The following RAD54L2 variants were observed in gnomAD, a reference collection of about 807,000 sequenced individuals.
The protein encoded by RAD54L2 is helicase ARIP4.
In RAD54L2, 27 loss-of-function variants were observed where a neutral mutation model predicts 138.4. The observed-to-expected ratio is 0.20, with a 90% CI of 0.14 to 0.27. The LOEUF is 0.27. Among genes scored for constraint, RAD54L2 ranks in the 10% least tolerant of loss-of-function variants. The pLI, the probability that RAD54L2 is intolerant of heterozygous loss-of-function variation, is 1.00. For synonymous variants in RAD54L2, 644 were observed against 723.2 expected (o/e 0.89, Z 1.76); for missense variants, 1,396 against 1,890.2 (o/e 0.74, Z 4.85).
chr3:51,633,602 A>T lies in RAD54L2; in HGVS notation c.851A>T (p.Asp284Val), dbSNP rs772196940. Residue 284 changes from aspartate (D) to valine (V), a missense_variant, in exon 8 of 23, where the codon GAT (aspartate) becomes GTT (valine). Asp to Val is a radical substitution (Grantham distance 152). Coordinates refer to ENST00000684192, the MANE Select transcript of RAD54L2 (RefSeq NM_015106.4). ...HQIGGIRFLY[D>V]NLVESLERFK... Reference sequence around the variant, plus strand: ...ATTGGCGGGATCCGGTTCCTTTACGATAACCTAGTGGAGTCTCTGGAGAGG... The same window carrying T: ...ATTGGCGGGATCCGGTTCCTTTACGTTAACCTAGTGGAGTCTCTGGAGAGG... 6.2e-7 allele frequency: 1 copy of T among 1,613,832 alleles called. No homozygotes were observed. The highest frequency in any genetic ancestry group is 1.7e-5 in the Admixed American group (1 of 60,008).
At chr3:51,559,019 G>A (rs1039580049) in intron 2 of RAD54L2, among the ~76,000 whole-genome samples, 26 of 151,806 alleles carry the variant, frequency 1.7e-4, no homozygotes, top group South Asian at 4.2e-4. Context: ...GATTACAGGC[G>A]TATACCACCA....
chr3:51,546,886 G>T (rs1553672405), intron 2 of RAD54L2, among the ~76,000 whole-genome samples: 1 of 151,726 alleles, frequency 6.6e-6, no homozygotes, highest in African/African-American at 2.4e-5. Context: ...AAAATTAGCT[G>T]GATGTGGTGG....
chr3:51,558,090 C>T (rs1191939688), intron 2 of RAD54L2, among the ~76,000 whole-genome samples: 2 of 152,010 alleles, frequency 1.3e-5, no homozygotes, highest in African/African-American at 4.8e-5. Context: ...AACCAATCTG[C>T]CCACCTCAGC....
intron 3 of RAD54L2, among the ~76,000 whole-genome samples, chr3:51,599,402 GAGA>G (rs1029204203): frequency 2.6e-5 from 4 of 151,968 alleles, no homozygotes; most frequent in African/African-American, 9.7e-5. Flanking sequence ...AGAGAGAGGA[GAGA>G]AGGACTTTAA....
At chr3:51,615,493 G>A (rs141844412) in intron 3 of RAD54L2, among the ~76,000 whole-genome samples, 25 of 152,172 alleles carry the variant, frequency 1.6e-4, no homozygotes, top group African/African-American at 5.3e-4. Flanking sequence ...TTACTCTAGC[G>A]GCAAAATTTT....
intron 2 of RAD54L2, among the ~76,000 whole-genome samples, chr3:51,564,614 C>T (rs1374226516): frequency 6.6e-6 from 1 of 152,136 alleles, no homozygotes; most frequent in Non-Finnish European, 1.5e-5. Context: ...AACTATATAG[C>T]CTGTTGAAGA....
chr3:51,588,534 C>CA (rs71633079), intron 2 of RAD54L2, among the ~76,000 whole-genome samples: 834 of 48,766 alleles, frequency 0.017, 13 homozygotes, highest in South Asian at 0.04. Context: ...AACTGCATCT[C>CA]AAAAAAAAAA....
At chr3:51,539,076 C>T (rs1219604459) in intron 1 of RAD54L2, among the ~76,000 whole-genome samples, 161 bp downstream of exon 1, 1 of 152,184 alleles carries the variant, frequency 6.6e-6, no homozygotes, top group African/African-American at 2.4e-5. Context: ...GTCCCCCACC[C>T]GGGAAACTCC....
intron 2 of RAD54L2, among the ~76,000 whole-genome samples, chr3:51,585,000 T>C (rs1476317502): frequency 3.3e-5 from 5 of 150,816 alleles, no homozygotes; most frequent in Non-Finnish European, 7.4e-5. Context: ...TGGGGTCTTC[T>C]CTACAAAAAA....
At chr3:51,629,500 C>T in intron 5 of RAD54L2, 27 bp downstream of exon 5, 1 of 1,607,746 alleles carries the variant, frequency 6.2e-7, no homozygotes, top group East Asian at 2.2e-5. Context: ...GCAGGGAAGG[C>T]CCTTTGCTTC....
chr3:51,640,118 G>C (rs957863144), intron 14 of RAD54L2, 119 bp downstream of exon 14: 9 of 673,388 alleles, frequency 1.3e-5, no homozygotes, highest in Non-Finnish European at 1.8e-5. Flanking sequence ...GGACCTTCTT[G>C]CATGTTGTCT....
At chr3:51,623,546 A>G (rs1426581319) in intron 3 of RAD54L2, among the ~76,000 whole-genome samples, 4 of 152,216 alleles carry the variant, frequency 2.6e-5, no homozygotes, top group African/African-American at 4.8e-5. Flanking sequence ...ATAGAGCTAC[A>G]GGATTTAAAG....
chr3:51,590,045 C>G (rs1699807014), intron 2 of RAD54L2, among the ~76,000 whole-genome samples: 1 of 152,110 alleles, frequency 6.6e-6, no homozygotes, highest in African/African-American at 2.4e-5. Context: ...GGCTGGAATG[C>G]AGTGGCGCCA....
chr3:51,556,182 G>A (rs1394968296), intron 2 of RAD54L2, among the ~76,000 whole-genome samples: 1 of 152,030 alleles, frequency 6.6e-6, no homozygotes, highest in African/African-American at 2.4e-5. Flanking sequence ...GCCTCTCATG[G>A]TAGCCTAGCC....
At position 51,662,826 on chromosome 3, in the gene RAD54L2, G is replaced by C; in HGVS notation, c.3810G>C (p.Arg1270=). The change falls in exon 23 of 23, where the codon CGG becomes CGC. Residue 1270 remains arginine, a synonymous_variant. Coordinates refer to ENST00000684192, the MANE Select transcript of RAD54L2 (RefSeq NM_015106.4). The surrounding 1 kb of genome is among the most constrained non-coding windows in gnomAD (Gnocchi z 4.6). Reference sequence around the variant, plus strand: ...CTGCTGCCCAGGAGTCATCCCGCCGGCGGTCCAGGAAGGGTCATCTGCCAG... The same window carrying C: ...CTGCTGCCCAGGAGTCATCCCGCCGCCGGTCCAGGAAGGGTCATCTGCCAG... ...TPPAAQESSR[R]RSRKGHLPAP... The C allele has an allele frequency of 6.2e-7, 1 of 1,612,368 alleles. No individual in the cohort carries two copies. Among genetic ancestry groups the C allele is most frequent in the Non-Finnish European group, 8.5e-7 (1 of 1,179,338 alleles).
rs374020266 is a variant in RAD54L2, at chr3:51,642,680, G to A, written c.2350+813G>A. 2.5e-3 allele frequency among the ~76,000 whole-genome samples: 379 copies of A among 152,268 alleles called. 13 individuals are homozygous for A. In the South Asian group the frequency reaches 0.075, roughly 30 times the overall value. On this transcript the variant is annotated intron_variant, in intron 15 of 22. Transcript: ENST00000684192. ...AAAATATCTCCAGACATTGCAAAAT[G>A]TCCCGTGGGGAGTGGGAGTATGGAG...
At chr3:51,622,983 C>T (rs1432672244) in intron 3 of RAD54L2, among the ~76,000 whole-genome samples, 1 of 152,234 alleles carries the variant, frequency 6.6e-6, no homozygotes, top group Non-Finnish European at 1.5e-5. Context: ...GTTTTTTCCT[C>T]AAGTGTTACT....
intron 2 of RAD54L2, among the ~76,000 whole-genome samples, chr3:51,569,769 A>T (rs1054338048): frequency 1.3e-5 from 2 of 152,184 alleles, no homozygotes; most frequent in African/African-American, 4.8e-5. Flanking sequence ...TGTGCATCAT[A>T]GTGCCTGGCA....
intron 2 of RAD54L2, among the ~76,000 whole-genome samples, chr3:51,573,441 A>G (rs1684965342): frequency 6.6e-6 from 1 of 151,546 alleles, no homozygotes; most frequent in Non-Finnish European, 1.5e-5. Context: ...TATATTTCAA[A>G]TCTATCTATT....
Sources: gnomAD v4.1 joint callset for allele counts (sites outside exome capture counted in the v4.1 genomes callset) on GRCh38, gnomAD v4.1.1 for gene constraint, Gnocchi (gnomAD v3.1) non-coding constraint, MANE v1.5 for transcripts, NCBI Gene and HGNC (gene_info 2026-07-23, HGNC 2026-07-21) for gene names.